The following PPARGC1A variants were observed in gnomAD, a reference collection of about 807,000 sequenced individuals.
PPARGC1A encodes PPARG coactivator 1 alpha, also known as peroxisome proliferator-activated receptor gamma coactivator 1-alpha.
In PPARGC1A, 25 loss-of-function variants were observed where a neutral mutation model predicts 88.7. That is an observed-to-expected ratio of 0.28 (90% CI 0.21 to 0.39). PPARGC1A has a LOEUF of 0.39. PPARGC1A is among the 10% of genes least tolerant of loss of function. The probability of loss-of-function intolerance (pLI) is 1.00; values close to 1 mark genes in which losing one functional copy is unlikely to be tolerated. For synonymous variants in PPARGC1A, 363 were observed against 355.6 expected (o/e 1.02, Z -0.24); for missense variants, 880 against 968.7 (o/e 0.91, Z 1.22).
At chr4:24,381,210 G>A in the PPARGC1A span, among the ~76,000 whole-genome samples, 1 of 152,072 alleles carries the variant, frequency 6.6e-6, no homozygotes, top group African/African-American at 2.4e-5. Context: ...GTAAGATACG[G>A]GCCAAAATGT....
At chr4:23,988,847 A>G in the PPARGC1A span, among the ~76,000 whole-genome samples, 57 of 147,848 alleles carry the variant, frequency 3.9e-4, no homozygotes, top group South Asian at 2.1e-3. Flanking sequence ...ATATATTACT[A>G]TGTATTTTTT....
At chr4:24,459,340 A>C in the PPARGC1A span, among the ~76,000 whole-genome samples, 1 of 152,288 alleles carries the variant, frequency 6.6e-6, no homozygotes, top group Non-Finnish European at 1.5e-5. Context: ...TGATGTCTTT[A>C]AATTCCAAGA....
the PPARGC1A span, among the ~76,000 whole-genome samples, chr4:24,268,411 T>G: frequency 6.6e-6 from 1 of 152,174 alleles, no homozygotes; most frequent in East Asian, 1.9e-4. Context: ...CAAATGCATG[T>G]TGCTGGTCCA....
the PPARGC1A span, among the ~76,000 whole-genome samples, chr4:24,280,205 C>T: frequency 2.6e-5 from 4 of 152,304 alleles, no homozygotes; most frequent in East Asian, 1.9e-4. Context: ...GGAGAACTCA[C>T]GGAACATGGC....
chr4:23,881,123 A>C (rs2148820672), intron 2 of PPARGC1A: 1 of 152,332 alleles, frequency 6.6e-6, no homozygotes, highest in South Asian at 2.1e-4. Context: ...CTCCTCCTTC[A>C]AACAATGCAC....
At chr4:24,374,872 C>A in the PPARGC1A span, among the ~76,000 whole-genome samples, 2 of 151,964 alleles carry the variant, frequency 1.3e-5, no homozygotes. Context: ...ACTATATGAC[C>A]CAACAATTCC....
At chr4:24,446,633 G>A in the PPARGC1A span, among the ~76,000 whole-genome samples, 29 of 137,568 alleles carry the variant, frequency 2.1e-4, no homozygotes, top group African/African-American at 7.1e-4. Context: ...GTCTTGCTCT[G>A]TCATCCAGGC....
the PPARGC1A span, among the ~76,000 whole-genome samples, chr4:24,101,598 A>G: frequency 6.6e-6 from 1 of 152,220 alleles, no homozygotes; most frequent in South Asian, 2.1e-4. Context: ...CATATGTAAA[A>G]TTATAAGGTA....
the PPARGC1A span, among the ~76,000 whole-genome samples, chr4:24,191,056 A>G: frequency 6.6e-6 from 1 of 152,200 alleles, no homozygotes; most frequent in Non-Finnish European, 1.5e-5. Flanking sequence ...CAGCCCCTCT[A>G]TTTGTGCAGA....
chr4:24,101,975 G>A, the PPARGC1A span, among the ~76,000 whole-genome samples: 1 of 152,214 alleles, frequency 6.6e-6, no homozygotes, highest in Non-Finnish European at 1.5e-5. Flanking sequence ...GGTCTTGTGA[G>A]AGGGAAAGAC....
the PPARGC1A span, among the ~76,000 whole-genome samples, chr4:23,970,961 T>C: frequency 2.0e-5 from 3 of 152,194 alleles, no homozygotes; most frequent in Admixed American, 2.0e-4. Flanking sequence ...TGTAGCTGCA[T>C]TGTTGTTAAA....
chr4:24,134,601 T>G, the PPARGC1A span, among the ~76,000 whole-genome samples: 1 of 152,276 alleles, frequency 6.6e-6, no homozygotes, highest in Non-Finnish European at 1.5e-5. Context: ...GTACTTTGTA[T>G]AAATTAAACA....
At chr4:24,335,477 T>C in the PPARGC1A span, among the ~76,000 whole-genome samples, 11 of 152,324 alleles carry the variant, frequency 7.2e-5, no homozygotes, top group South Asian at 2.1e-3. Flanking sequence ...ATAGGGTTCC[T>C]TCCACAAATA....
At chr4:23,799,734 T>C (rs1718314350) in intron 12 of PPARGC1A, among the ~76,000 whole-genome samples, 1 of 152,138 alleles carries the variant, frequency 6.6e-6, no homozygotes, top group Non-Finnish European at 1.5e-5. Flanking sequence ...TAGAAATATT[T>C]CAAGGAGGCT....
the PPARGC1A span, among the ~76,000 whole-genome samples, chr4:24,295,373 T>C: frequency 6.6e-6 from 1 of 152,134 alleles, no homozygotes; most frequent in Non-Finnish European, 1.5e-5. Flanking sequence ...GAATAGATTA[T>C]ATATAAATAG....
the PPARGC1A span, among the ~76,000 whole-genome samples, chr4:23,963,473 T>A: frequency 6.6e-6 from 1 of 152,204 alleles, no homozygotes; most frequent in Non-Finnish European, 1.5e-5. Context: ...TTCATCTATG[T>A]ATAATTTCTG....
chr4:24,089,841 C>T, the PPARGC1A span, among the ~76,000 whole-genome samples: 1 of 152,192 alleles, frequency 6.6e-6, no homozygotes, highest in Non-Finnish European at 1.5e-5. Context: ...ACTACCTCCA[C>T]TAGCTAGAAG....
chr4:24,267,737 C>T, the PPARGC1A span, among the ~76,000 whole-genome samples: 1 of 152,148 alleles, frequency 6.6e-6, no homozygotes, highest in Non-Finnish European at 1.5e-5. Context: ...AAAATGAAAA[C>T]AGGGCATCAT....
chr4:24,424,702 G>A, the PPARGC1A span, among the ~76,000 whole-genome samples: 5 of 152,182 alleles, frequency 3.3e-5, no homozygotes, highest in Non-Finnish European at 5.9e-5. Flanking sequence ...CAAGCGAGAT[G>A]CACTATAAAA....
Sources: allele counts gnomAD v4.1 joint callset (sites outside exome capture counted in the v4.1 genomes callset), GRCh38; gene constraint gnomAD v4.1.1; transcripts MANE v1.5; gene names NCBI Gene and HGNC (gene_info 2026-07-23, HGNC 2026-07-21).